The following CDH26 variants were observed in gnomAD, a reference collection of about 807,000 sequenced individuals.
CDH26 encodes cadherin 26, also known as cadherin-like protein 26.
A neutral mutation model predicts 90.3 loss-of-function variants in CDH26; 83 were observed. That is an observed-to-expected ratio of 0.92 (90% CI 0.77 to 1.10). CDH26 has a LOEUF of 1.10. Among genes scored for constraint, CDH26 ranks in the 50% least tolerant of loss-of-function variants. CDH26 has a pLI of 0.00. For synonymous variants in CDH26, 397 were observed against 396.3 expected (o/e 1.00, Z -0.02); for missense variants, 1,013 against 1,037.6 (o/e 0.98, Z 0.33).
At chr20:59,980,503 G>A (rs893513045) in intron 4 of CDH26, among the ~76,000 whole-genome samples, 3 of 151,996 alleles carry the variant, frequency 2.0e-5, no homozygotes, top group African/African-American at 7.3e-5. Flanking sequence ...TTGCCATGTT[G>A]GCCAGGCTGG....
At chr20:59,983,523 A>G (rs923951599) in intron 5 of CDH26, among the ~76,000 whole-genome samples, 4 of 152,214 alleles carry the variant, frequency 2.6e-5, no homozygotes, top group African/African-American at 9.7e-5. Flanking sequence ...CATCTCTCCA[A>G]AAAATTCCAA....
At chr20:59,977,469 G>A (rs1224699944) in intron 4 of CDH26, among the ~76,000 whole-genome samples, 1 of 151,686 alleles carries the variant, frequency 6.6e-6, no homozygotes, top group Non-Finnish European at 1.5e-5. Context: ...GATTCGACTT[G>A]CTTTTAAAAA....
intron 4 of CDH26, among the ~76,000 whole-genome samples, chr20:59,982,129 A>G (rs1270483501): frequency 6.6e-6 from 1 of 152,036 alleles, no homozygotes; most frequent in Non-Finnish European, 1.5e-5. Flanking sequence ...CATTCTCGTT[A>G]TTGATAATTC....
intron 1 of CDH26, among the ~76,000 whole-genome samples, chr20:59,967,830 TTTC>T (rs1247373376): frequency 6.8e-5 from 5 of 73,154 alleles, no homozygotes; most frequent in African/African-American, 4.9e-4. Flanking sequence ...TCTTTCTTTC[TTTC>T]TTTCTTTCTT....
At chr20:60,027,768 G>T (rs1309676168) in intron 7 of CDH26, among the ~76,000 whole-genome samples, 1 of 152,150 alleles carries the variant, frequency 6.6e-6, no homozygotes, top group Non-Finnish European at 1.5e-5. Context: ...CTGAGTACTG[G>T]AAATGTGTCT....
chr20:59,959,814 C>A (rs2061044833), intron 1 of CDH26, among the ~76,000 whole-genome samples: 1 of 152,192 alleles, frequency 6.6e-6, no homozygotes, highest in East Asian at 1.9e-4. Context: ...AAATCCATTG[C>A]CCCCAACTGC....
At chr20:59,994,185 T>G (rs2061562031) in intron 10 of CDH26, 65 bp from the exon 11 acceptor site, 1 of 1,584,576 alleles carries the variant, frequency 6.3e-7, no homozygotes, top group East Asian at 2.3e-5. Flanking sequence ...AGACGGAGAG[T>G]GCTCATTCTC....
chr20:59,991,026 C>T (rs889013945), intron 9 of CDH26, among the ~76,000 whole-genome samples: 5 of 152,086 alleles, frequency 3.3e-5, no homozygotes, highest in Admixed American at 6.5e-5. Flanking sequence ...CATGCTGCCA[C>T]GTCTGGCTAA....
intron 8 of CDH26, among the ~76,000 whole-genome samples, chr20:59,988,428 C>T (rs112612888): frequency 0.016 from 2,368 of 152,272 alleles, 22 homozygotes; most frequent in South Asian, 0.039. Context: ...TGATGGCCTG[C>T]GGACCGTGCT....
intron 5 of CDH26, among the ~76,000 whole-genome samples, chr20:59,983,694 A>C (rs1473794873): frequency 6.6e-6 from 1 of 152,220 alleles, no homozygotes; most frequent in East Asian, 1.9e-4. Flanking sequence ...ATGCATTCAC[A>C]CATTTTTATG....
intron 11 of CDH26, 118 bp from the exon 12 acceptor site, chr20:59,995,715 C>T: frequency 1.2e-6 from 1 of 845,338 alleles, no homozygotes; most frequent in Non-Finnish European, 1.9e-6. Flanking sequence ...CCCTCTAACT[C>T]TGCAGTTGGC....
In CDH26 at chr20:59,992,315, C is replaced by A; in HGVS notation, c.1284-63C>A. The A allele has an allele frequency of 6.6e-7, 1 of 1,522,440 alleles. No homozygotes were observed. Among genetic ancestry groups the A allele is most frequent in the Non-Finnish European group, 8.9e-7 (1 of 1,129,726 alleles). 94.3% of individuals were successfully genotyped at this position (1,522,440 alleles called of 1,614,324 possible). On this transcript the variant is annotated intron_variant, in intron 9 of 17. Coordinates refer to ENST00000348616, the MANE Select transcript of CDH26 (RefSeq NM_177980.4). This position sits in a 1 kb window ranked among gnomAD's most constrained non-coding sequence, Gnocchi z 5.0. ...TGACATATTTTGTTTTTTTATGCAA[C>A]TTTTTTATCTTTTAATGTAAGTTTT...
intron 1 of CDH26, among the ~76,000 whole-genome samples, chr20:59,962,666 G>A (rs747140125): frequency 1.3e-5 from 2 of 152,138 alleles, no homozygotes; most frequent in Non-Finnish European, 1.5e-5. Context: ...TTCAATATAC[G>A]CTTTTAGGGA....
At chr20:59,970,327 G>A (rs2061241802) in intron 3 of CDH26, 141 bp downstream of exon 3, 1 of 1,179,424 alleles carries the variant, frequency 8.5e-7, no homozygotes, top group South Asian at 1.7e-5. Flanking sequence ...ACTGGCCTGG[G>A]GTTCAGGAAG....
Position 60,012,591 on chromosome 20 carries a change from A to G in CDH26, c.2360A>G (p.Glu787Gly). Residue 787 changes from glutamate (E) to glycine (G), a missense_variant, in exon 18 of 18, where the codon GAA becomes GGA. Glu to Gly is a moderately conservative substitution (Grantham distance 98, BLOSUM62 -2). Transcript: ENST00000348616. Reference protein sequence around the residue: ...PGYLPHVYSEEGECGGAPSLS... With the variant: ...PGYLPHVYSEGGECGGAPSLS... ...TACCTACCTCACGTCTACAGCGAGG[A>G]AGGGGAGTGTGGAGGGGCCCCATCC... 6.2e-7 allele frequency: 1 copy of G among 1,613,402 alleles called. No homozygotes were observed. The highest frequency in any genetic ancestry group is 1.1e-5 in the South Asian group (1 of 91,008).
Position 60,005,409 on chromosome 20 carries a change from T to C in CDH26, c.2221-1304T>C, listed in dbSNP as rs535319584. On this transcript the variant is annotated intron_variant, in intron 16 of 17. Coordinates refer to ENST00000348616, the MANE Select transcript of CDH26 (RefSeq NM_177980.4). ...ATGTATATGTATAGAAGCATGTACA[T>C]GTACAGAGGCATGAGTATGCATATA... Among the ~76,000 whole-genome samples the C allele has an allele frequency of 5.9e-5, 9 of 152,312 alleles. No individual in the cohort carries two copies. The South Asian group carries it at 1.9e-3, about 32-fold the overall frequency.
rs762520776 is a variant in CDH26 at position 59,968,970 on chromosome 20, A to C, written c.73A>C (p.Ser25Arg). ...TAATATTATTTTTATTTTTAAGGTC[A>C]GTATCATTGACAGTGTTCAACAGGA... is the stretch of plus-strand genomic sequence containing the variant. ...LVLLLWLLQVSIIDSVQQETD... is the reference protein window; with the variant it reads ...LVLLLWLLQVRIIDSVQQETD... The change falls in exon 2 of 18, where the codon AGT becomes CGT. Residue 25 changes from serine (S) to arginine (R), a missense_variant. Physicochemically the swap from Ser to Arg is moderately radical, Grantham distance 110 (BLOSUM62 -1). Coordinates refer to ENST00000348616, the MANE Select transcript of CDH26 (RefSeq NM_177980.4). 5 of 1,538,932 alleles carry C rather than the reference A, an allele frequency of 3.2e-6. No homozygotes were observed. The highest frequency in any genetic ancestry group is 3.6e-6 in the Non-Finnish European group (4 of 1,115,600).
intron 7 of CDH26, among the ~76,000 whole-genome samples, chr20:60,022,100 G>A (rs1266033416): frequency 2.6e-5 from 4 of 151,730 alleles, no homozygotes; most frequent in Non-Finnish European, 4.4e-5. Flanking sequence ...ATTCCTGGAT[G>A]TCTGCTGGTC....
chr20:60,024,572 T>A (rs12624426), intron 7 of CDH26, among the ~76,000 whole-genome samples: 49,286 of 152,162 alleles, frequency 0.32, 9,980 homozygotes, highest in Non-Finnish European at 0.43. Flanking sequence ...GAGAAAGGAC[T>A]GTGCTTTACC....
Sources: gnomAD v4.1 joint callset for allele counts (sites outside exome capture counted in the v4.1 genomes callset) on GRCh38, gnomAD v4.1.1 for gene constraint, Gnocchi (gnomAD v3.1) non-coding constraint, MANE v1.5 for transcripts, NCBI Gene and HGNC (gene_info 2026-07-23, HGNC 2026-07-21) for gene names.